CPVL: variants seen among roughly 807,000 people sequenced by gnomAD.
CPVL encodes probable serine carboxypeptidase CPVL.
CPVL carries 51 observed loss-of-function variants against 63.7 expected under a neutral mutation model. The observed-to-expected ratio is 0.80, with a 90% CI of 0.64 to 1.01. The LOEUF (loss-of-function observed/expected upper bound fraction) is 1.01, where lower values mean the gene tolerates loss of function less well. Among genes scored for constraint, CPVL ranks in the 50% least tolerant of loss-of-function variants. CPVL has a pLI of 0.00. For missense variants in CPVL, 530 were observed against 573.1 expected, an observed-to-expected ratio of 0.92 and a Z score of 0.77; for synonymous variants, 195 against 206.0, an observed-to-expected ratio of 0.95 and a Z score of 0.46.
chr7:29,022,684 C>A (rs1787124158), intron 12 of CPVL, among the ~76,000 whole-genome samples: 1 of 152,232 alleles, frequency 6.6e-6, no homozygotes, highest in Admixed American at 6.5e-5. Context: ...GGGAATTGAT[C>A]AGCCCTGCCT....
At chr7:29,158,899 G>C (rs986021430) in intron 5 of CPVL, among the ~76,000 whole-genome samples, 1 of 152,128 alleles carries the variant, frequency 6.6e-6, no homozygotes, top group East Asian at 1.9e-4. Context: ...CTTTCATTTT[G>C]TTCTGATAGT....
At chr7:29,133,205 A>C (rs569043736) in intron 1 of CPVL, among the ~76,000 whole-genome samples, 22 of 152,194 alleles carry the variant, frequency 1.4e-4, no homozygotes, top group South Asian at 4.1e-4. Context: ...AAAAAAAAAA[A>C]AACAAAAAAC....
chr7:29,069,817 TGTGTGTGTGTGC>T (rs1783560802), intron 9 of CPVL, among the ~76,000 whole-genome samples: 1 of 127,180 alleles, frequency 7.9e-6, no homozygotes, highest in African/African-American at 2.8e-5. Flanking sequence ...TGTGTGTGTG[TGTGTGTGTGTGC>T]ATGTAAATGC....
intron 9 of CPVL, among the ~76,000 whole-genome samples, chr7:29,071,413 T>C (rs1021659784): frequency 1.3e-4 from 20 of 152,218 alleles, no homozygotes; most frequent in African/African-American, 4.8e-4. Flanking sequence ...TTAGAGCAGA[T>C]GGTGAAGCAT....
chr7:29,094,319 T>G (rs1786168141), intron 5 of CPVL, among the ~76,000 whole-genome samples: 1 of 151,478 alleles, frequency 6.6e-6, no homozygotes, highest in South Asian at 2.1e-4. Flanking sequence ...CCAGTCTGGG[T>G]GACAGAGTGA....
chr7:29,047,592 A>G (rs1789748507), intron 11 of CPVL, among the ~76,000 whole-genome samples: 1 of 152,204 alleles, frequency 6.6e-6, no homozygotes, highest in Non-Finnish European at 1.5e-5. Context: ...AAGTAGACAA[A>G]TCGAAAAGTT....
intron 5 of CPVL, among the ~76,000 whole-genome samples, chr7:29,151,644 A>G (rs1261254363): frequency 6.6e-6 from 1 of 152,182 alleles, no homozygotes; most frequent in Non-Finnish European, 1.5e-5. Context: ...TGATATTATG[A>G]TGAACCTGCC....
At chr7:29,032,738 CA>C (rs1788147002) in intron 11 of CPVL, among the ~76,000 whole-genome samples, 1 of 152,180 alleles carries the variant, frequency 6.6e-6, no homozygotes, top group South Asian at 2.1e-4. Context: ...TCTCCATGGC[CA>C]CTACAGGCAG....
In CPVL at chr7:29,092,200, C is replaced by T. The variant is rs564453856; in HGVS notation, c.542+423G>A. Among the ~76,000 whole-genome samples the T allele has an allele frequency of 9.8e-5, 13 of 132,772 alleles. No individual in the cohort carries two copies. The East Asian group carries it at 2.6e-3, about 26-fold the overall frequency. The allele number at this position is 132,772 out of a possible 152,430, so 87.1% of individuals were successfully genotyped here. A position where few individuals can be genotyped will look rare whatever the true frequency, so the allele number is the denominator to read the frequency against. ...TTTTCCTTTTTTTTTTTTTTTTAAG[C>T]AAAACAAAACTTTCATAAGAAGAAG... On this transcript the variant is annotated intron_variant, in intron 6 of 12. Coordinates refer to ENST00000265394, the MANE Select transcript of CPVL (RefSeq NM_031311.5).
At chr7:29,191,558 T>C (rs991253603) in intron 1 of CPVL, 1 of 152,254 alleles carries the variant, frequency 6.6e-6, no homozygotes, top group Non-Finnish European at 1.5e-5. Context: ...TGGAAGGCTT[T>C]GAATGCCAGG....
intron 6 of CPVL, among the ~76,000 whole-genome samples, chr7:29,092,358 G>A (rs1785904759): frequency 6.6e-6 from 1 of 152,266 alleles, no homozygotes; most frequent in South Asian, 2.1e-4. Context: ...CTGAAAAGAT[G>A]TTGTCTCCCT....
At chr7:29,111,398 G>A (rs1001664204) in intron 3 of CPVL, among the ~76,000 whole-genome samples, 3 of 152,180 alleles carry the variant, frequency 2.0e-5, no homozygotes, top group African/African-American at 7.2e-5. Flanking sequence ...CACCAAGCAA[G>A]ACACTGGAGG....
upstream of CPVL, chr7:29,146,571 C>G (rs1380155416): frequency 3.2e-6 from 5 of 1,547,166 alleles, no homozygotes; most frequent in Admixed American, 4.0e-5. Flanking sequence ...TTTAAGCGCT[C>G]CTCTAGGCTC....
intron 11 of CPVL, among the ~76,000 whole-genome samples, chr7:29,034,466 A>G (rs767320964): frequency 3.9e-5 from 6 of 151,916 alleles, no homozygotes; most frequent in Non-Finnish European, 7.4e-5. Context: ...GTTCAGGGGT[A>G]TATGTGCAGG....
At chr7:29,088,510 A>G (rs1270682797) in intron 6 of CPVL, among the ~76,000 whole-genome samples, 1 of 152,146 alleles carries the variant, frequency 6.6e-6, no homozygotes, top group Non-Finnish European at 1.5e-5. Context: ...CCTGTTTCTT[A>G]AAAGAGAGTG....
chr7:29,072,144 C>A (rs539200400), intron 8 of CPVL, among the ~76,000 whole-genome samples, 157 bp downstream of exon 8: 1 of 152,076 alleles, frequency 6.6e-6, no homozygotes, highest in Non-Finnish European at 1.5e-5. Context: ...TAAATTGATA[C>A]GTTGAAACAT....
chr7:29,105,215 T>G (rs1787603638), intron 3 of CPVL, among the ~76,000 whole-genome samples: 1 of 152,166 alleles, frequency 6.6e-6, no homozygotes, highest in Non-Finnish European at 1.5e-5. Context: ...ATGGCTAGCC[T>G]GCTAGCCATG....
At chr7:29,059,573 C>T (rs1562746309) in intron 11 of CPVL, among the ~76,000 whole-genome samples, 1 of 152,210 alleles carries the variant, frequency 6.6e-6, no homozygotes, top group Non-Finnish European at 1.5e-5. Flanking sequence ...TGACACATCA[C>T]AGACTGAAAG....
intron 5 of CPVL, among the ~76,000 whole-genome samples, chr7:29,156,615 G>A (rs1562798676): frequency 2.0e-5 from 3 of 152,110 alleles, no homozygotes. Flanking sequence ...AAACTTTGTG[G>A]GTTTTTTTTC....
Sources: allele counts gnomAD v4.1 joint callset (sites outside exome capture counted in the v4.1 genomes callset), GRCh38; gene constraint gnomAD v4.1.1; transcripts MANE v1.5; gene names NCBI Gene and HGNC (gene_info 2026-07-23, HGNC 2026-07-21).